PLEKHG7: variants seen among roughly 807,000 people sequenced by gnomAD.
PLEKHG7 encodes pleckstrin homology domain-containing family G member 7.
In PLEKHG7, 77 loss-of-function variants were observed where a neutral mutation model predicts 85.2. That is an observed-to-expected ratio of 0.90 (90% CI 0.75 to 1.09). The LOEUF is 1.09. Ranked by LOEUF, PLEKHG7 falls within the 50% of genes least tolerant of loss-of-function variation. PLEKHG7 has a pLI of 0.00. For missense variants in PLEKHG7, 777 were observed against 804.3 expected, an observed-to-expected ratio of 0.97 and a Z score of 0.41; for synonymous variants, 301 against 302.4, an observed-to-expected ratio of 1.00 and a Z score of 0.05.
chr12:92,724,209 C>T lies in PLEKHG7; in HGVS notation c.531-4784C>T, dbSNP rs116678348. On this transcript the variant is annotated intron_variant, in intron 3 of 16. Coordinates refer to ENST00000344636, the MANE Select transcript of PLEKHG7 (RefSeq NM_001377329.1). ...ACTTTCTGGCTGGATTTGTACACTG[C>T]TAATCCATTATGTGTCAATCCCAGT... Among the ~76,000 whole-genome samples the T allele has an allele frequency of 8.3e-3, 1,260 of 152,254 alleles. 19 individuals carry two copies. Among genetic ancestry groups the T allele is most frequent in the African/African-American group, 0.028 (1,153 of 41,552 alleles).
chr12:92,762,937 T>C (rs553233166), intron 14 of PLEKHG7, among the ~76,000 whole-genome samples: 178 of 152,288 alleles, frequency 1.2e-3, no homozygotes, highest in African/African-American at 4.1e-3. Context: ...TTAAGAGTCA[T>C]AGTTTCGGAA....
At chr12:92,722,916 C>T (rs553589821) in intron 3 of PLEKHG7, among the ~76,000 whole-genome samples, 7 of 152,196 alleles carry the variant, frequency 4.6e-5, no homozygotes, top group Admixed American at 2.0e-4. Context: ...TATGAATCTT[C>T]AACGTGTTTA....
At chr12:92,735,814 G>T (rs767125035) in intron 5 of PLEKHG7, among the ~76,000 whole-genome samples, 1 of 151,906 alleles carries the variant, frequency 6.6e-6, no homozygotes, top group African/African-American at 2.4e-5. Context: ...ATTTCCAATG[G>T]GTATATAGGG....
At chr12:92,759,524 G>C (rs1270100067) in intron 13 of PLEKHG7, among the ~76,000 whole-genome samples, 2 of 152,152 alleles carry the variant, frequency 1.3e-5, no homozygotes, top group Non-Finnish European at 2.9e-5. Context: ...TTAATGTCCA[G>C]TATGACTATA....
At chr12:92,768,156 G>T (rs992956500) in intron 15 of PLEKHG7, among the ~76,000 whole-genome samples, 1 of 151,364 alleles carries the variant, frequency 6.6e-6, no homozygotes, top group Non-Finnish European at 1.5e-5. Flanking sequence ...ACAGTGAGCC[G>T]AGATCCCGCC....
At chr12:92,716,839 C>T (rs1871504643) in intron 3 of PLEKHG7, among the ~76,000 whole-genome samples, 1 of 152,164 alleles carries the variant, frequency 6.6e-6, no homozygotes, top group Admixed American at 6.5e-5. Context: ...ATCTTTGAAC[C>T]TCTAGCATCC....
chr12:92,764,106 AAAAGAG>A lies in PLEKHG7; in HGVS notation c.1783_1788del (p.Lys595_Glu596del). 6.2e-7 allele frequency: 1 copy of A among 1,613,230 alleles called. No individual in the cohort carries two copies. Among genetic ancestry groups the A allele is most frequent in the Non-Finnish European group, 8.5e-7 (1 of 1,179,568 alleles). On this transcript the variant is annotated inframe_deletion, in exon 15 of 17. Coordinates refer to ENST00000344636, the MANE Select transcript of PLEKHG7 (RefSeq NM_001377329.1). ...TTACTCCTGAGTTGCAAGCAGTAATAAAAGAGGGTGGTTCGTGTACAGTACTCGATC... is the reference window on the plus strand; with the variant it reads ...TTACTCCTGAGTTGCAAGCAGTAATAGGTGGTTCGTGTACAGTACTCGATC...
intron 3 of PLEKHG7, among the ~76,000 whole-genome samples, chr12:92,721,702 CAAAAAAAAAAA>C (rs71069170): frequency 4.6e-5 from 2 of 43,366 alleles, no homozygotes; most frequent in African/African-American, 7.8e-5. Flanking sequence ...AGCATAAAAC[CAAAAAAAAAAA>C]AAAAAAAAAA....
At chr12:92,762,954 T>A (rs1477752454) in intron 14 of PLEKHG7, among the ~76,000 whole-genome samples, 1 of 152,174 alleles carries the variant, frequency 6.6e-6, no homozygotes, top group African/African-American at 2.4e-5. Context: ...GGAATTTGTA[T>A]GACCTCCCAT....
chr12:92,711,331 A>T (rs1202183845), intron 3 of PLEKHG7, among the ~76,000 whole-genome samples: 3 of 152,184 alleles, frequency 2.0e-5, no homozygotes, highest in Admixed American at 2.0e-4. Context: ...CCATGAGGCC[A>T]TTGGTGCAGA....
chr12:92,760,053 A>G (rs1872942113), intron 13 of PLEKHG7, among the ~76,000 whole-genome samples: 1 of 152,180 alleles, frequency 6.6e-6, no homozygotes, highest in South Asian at 2.1e-4. Flanking sequence ...TCTGTATTCT[A>G]CCCAGTGAGA....
chr12:92,730,394 G>A (rs1181657700), intron 4 of PLEKHG7, among the ~76,000 whole-genome samples: 1 of 152,226 alleles, frequency 6.6e-6, no homozygotes, highest in African/African-American at 2.4e-5. Context: ...TCCCGAACTA[G>A]CAGCTTTGCC....
intron 10 of PLEKHG7, among the ~76,000 whole-genome samples, chr12:92,749,907 A>AT (rs1872639017): frequency 9.6e-5 from 12 of 124,400 alleles, no homozygotes; most frequent in Non-Finnish European, 1.7e-4. Flanking sequence ...ATTTTATTTC[A>AT]TTTATTTTAT....
In PLEKHG7 at chr12:92,749,580, G is replaced by A. The variant is rs565407593; in HGVS notation, c.1251+3989G>A. 3.9e-5 allele frequency: 6 copies of A among 152,268 alleles called. No individual in the cohort carries two copies. In the East Asian group the frequency reaches 9.7e-4, roughly 25 times the overall value. 9.4% of individuals were successfully genotyped at this position (152,268 alleles called of 1,614,324 possible). On this transcript the variant is annotated intron_variant, in intron 10 of 16. Coordinates refer to ENST00000344636, the MANE Select transcript of PLEKHG7 (RefSeq NM_001377329.1). ...AAAACGATGCAGAGGAAGAAACTGGGAACTTCGTACCAAGTCTCTTCGTGT... is the reference window on the plus strand; with the variant it reads ...AAAACGATGCAGAGGAAGAAACTGGAAACTTCGTACCAAGTCTCTTCGTGT...
At chr12:92,707,453 C>T in intron 2 of PLEKHG7, 197 bp from the exon 3 acceptor site, 3 of 1,434,966 alleles carry the variant, frequency 2.1e-6, no homozygotes, top group Non-Finnish European at 2.7e-6. Context: ...CTTGCAAATG[C>T]ACACTATTTA....
At chr12:92,744,915 G>C (rs1872484598) in intron 9 of PLEKHG7, among the ~76,000 whole-genome samples, 1 of 152,212 alleles carries the variant, frequency 6.6e-6, no homozygotes, top group Admixed American at 6.5e-5. Context: ...CAATCCGCCT[G>C]CCTCACCTCT....
chr12:92,705,422 A>G (rs1871204947), intron 1 of PLEKHG7, among the ~76,000 whole-genome samples: 1 of 152,284 alleles, frequency 6.6e-6, no homozygotes, highest in African/African-American at 2.4e-5. Context: ...AATTAAAATT[A>G]TAAGAAGTAA....
At chr12:92,733,260 T>G (rs1324832762) in intron 5 of PLEKHG7, among the ~76,000 whole-genome samples, 1 of 152,110 alleles carries the variant, frequency 6.6e-6, no homozygotes, top group Admixed American at 6.6e-5. Flanking sequence ...ACAGGGTGAT[T>G]GTAACGAATG....
chr12:92,765,354 G>C (rs931990818), intron 15 of PLEKHG7, among the ~76,000 whole-genome samples: 1 of 150,252 alleles, frequency 6.7e-6, no homozygotes, highest in African/African-American at 2.4e-5. Context: ...AATAGGCTGG[G>C]CGTGGTGGCT....
Sources: gnomAD v4.1 joint callset for allele counts (sites outside exome capture counted in the v4.1 genomes callset) on GRCh38, gnomAD v4.1.1 for gene constraint, MANE v1.5 for transcripts, NCBI Gene and HGNC (gene_info 2026-07-23, HGNC 2026-07-21) for gene names.